Variants in DSCAM observed in about 807,000 individuals in gnomAD.
DSCAM encodes the protein cell adhesion molecule DSCAM.
DSCAM carries 47 observed loss-of-function variants against 217.7 expected under a neutral mutation model. The observed-to-expected ratio is 0.22, with a 90% CI of 0.17 to 0.28. DSCAM has a LOEUF of 0.28. Among genes scored for constraint, DSCAM ranks in the 10% least tolerant of loss-of-function variants. The pLI is 1.00. For missense variants in DSCAM, 2,080 were observed against 2,618.3 expected (o/e 0.79, Z 4.49); for synonymous variants, 1,056 against 1,015.3 (o/e 1.04, Z -0.76).
intron 19 of DSCAM, among the ~76,000 whole-genome samples, 162 bp from the exon 20 acceptor site, chr21:40,124,490 C>A (rs1022563443): frequency 6.6e-6 from 1 of 152,096 alleles, no homozygotes; most frequent in Non-Finnish European, 1.5e-5. Flanking sequence ...GAAGTCCTAA[C>A]CCCCAGGACC....
intron 3 of DSCAM, among the ~76,000 whole-genome samples, chr21:40,618,083 G>A (rs985487703): frequency 1.3e-5 from 2 of 152,218 alleles, no homozygotes; most frequent in Non-Finnish European, 2.9e-5. Context: ...TGAATTAAGA[G>A]CTGTGCGGGA....
At chr21:40,240,375 C>CTTTTTTTTTTTTTTTTTTTTTT (rs2073136125) in intron 11 of DSCAM, among the ~76,000 whole-genome samples, 1 of 25,162 alleles carries the variant, frequency 4.0e-5, no homozygotes. Context: ...TTTTTTTTTG[C>CTTTTTTTTTTTTTTTTTTTTTT]CTCCTTTTCT....
chr21:40,188,891 A>C, intron 12 of DSCAM, 151 bp downstream of exon 12: 1 of 760,462 alleles, frequency 1.3e-6, no homozygotes, highest in South Asian at 1.8e-5. Flanking sequence ...CTACTTCACT[A>C]ATCTCGCTGT....
At chr21:40,467,987 T>C (rs546034201) in intron 3 of DSCAM, among the ~76,000 whole-genome samples, 1 of 145,426 alleles carries the variant, frequency 6.9e-6, no homozygotes, top group Admixed American at 6.9e-5. Flanking sequence ...CACTAGGAAA[T>C]TCCTTGCGGG....
intron 1 of DSCAM, among the ~76,000 whole-genome samples, chr21:40,775,437 T>C (rs1316077837): frequency 2.6e-5 from 4 of 152,178 alleles, no homozygotes; most frequent in Non-Finnish European, 4.4e-5. Context: ...CGTATGAATC[T>C]GGGTGGACTA....
intron 3 of DSCAM, among the ~76,000 whole-genome samples, chr21:40,546,704 A>C (rs943659665): frequency 5.3e-5 from 8 of 152,184 alleles, no homozygotes; most frequent in African/African-American, 1.9e-4. Flanking sequence ...AAATACAAAT[A>C]AGTTTGATTT....
chr21:40,327,461 T>A (rs2074330148), intron 8 of DSCAM, among the ~76,000 whole-genome samples: 1 of 152,214 alleles, frequency 6.6e-6, no homozygotes, highest in Non-Finnish European at 1.5e-5. Flanking sequence ...CTTAGGGTTT[T>A]CTATATATAT....
intron 1 of DSCAM, among the ~76,000 whole-genome samples, chr21:40,712,566 T>C (rs182509776): frequency 5.3e-5 from 8 of 151,418 alleles, no homozygotes; most frequent in South Asian, 4.2e-4. Flanking sequence ...AATGGGCTCA[T>C]AGCCCTAAGC....
At position 40,332,810 on chromosome 21, in the gene DSCAM, T is replaced by TA. The variant is rs559192470; in HGVS notation, c.1783+5290dup. On this transcript the variant is annotated intron_variant, in intron 8 of 32. Transcript: ENST00000400454. Reference sequence around the variant, plus strand: ...ATATTATTTATATCAATCTTTGAAATAAAAAAAATTGCAGGCATATGCTCC... The same window carrying TA: ...ATATTATTTATATCAATCTTTGAAATAAAAAAAAATTGCAGGCATATGCTCC... Among the ~76,000 whole-genome samples the TA allele has an allele frequency of 1.1e-4, 17 of 152,062 alleles. No homozygotes were observed. The South Asian group carries it at 3.5e-3, about 32-fold the overall frequency.
intron 20 of DSCAM, among the ~76,000 whole-genome samples, chr21:40,104,544 G>A (rs989219727): frequency 4.6e-5 from 7 of 152,188 alleles, no homozygotes; most frequent in African/African-American, 1.2e-4. Context: ...AAGATCAGAG[G>A]TTAAGAGGGT....
At chr21:40,565,252 T>A (rs1340227397) in intron 3 of DSCAM, among the ~76,000 whole-genome samples, 2 of 152,062 alleles carry the variant, frequency 1.3e-5, no homozygotes, top group Non-Finnish European at 2.9e-5. Flanking sequence ...GAGCAGCCAT[T>A]TAGGGAAATT....
intron 3 of DSCAM, among the ~76,000 whole-genome samples, chr21:40,610,769 A>G (rs1321099300): frequency 6.6e-6 from 1 of 152,198 alleles, no homozygotes; most frequent in Non-Finnish European, 1.5e-5. Flanking sequence ...TCTTAAAAAG[A>G]TGAGACCTAT....
intron 16 of DSCAM, among the ~76,000 whole-genome samples, chr21:40,156,764 G>A (rs898051016): frequency 1.3e-5 from 2 of 152,174 alleles, no homozygotes; most frequent in African/African-American, 4.8e-5. Flanking sequence ...GTTCTAAGAC[G>A]AGATGAGGAA....
chr21:40,368,177 T>C (rs1253356831), intron 4 of DSCAM, among the ~76,000 whole-genome samples: 2 of 152,172 alleles, frequency 1.3e-5, no homozygotes, highest in African/African-American at 4.8e-5. Context: ...CTACCTCGAA[T>C]CCTTCCCCTT....
In DSCAM at chr21:40,012,006, A is replaced by G. The variant is rs1401284696; in HGVS notation, c.*1028T>C. The G allele has an allele frequency of 3.9e-5, 6 of 152,154 alleles. No individual in the cohort carries two copies. In the East Asian group the frequency reaches 1.2e-3, roughly 29 times the overall value. The allele number at this position is 152,154 out of a possible 1,614,324, so 9.4% of individuals were successfully genotyped here. A position where few individuals can be genotyped will look rare whatever the true frequency, so the allele number is the denominator to read the frequency against. On this transcript the variant is annotated 3_prime_UTR_variant, in exon 33 of 33. Coordinates refer to ENST00000400454, the MANE Select transcript of DSCAM (RefSeq NM_001389.5). ...TCTGCTGCAACTATTCAGCTCTACCATTGTGCCATGAAAGCAGCCATAGAC... is the reference window on the plus strand; with the variant it reads ...TCTGCTGCAACTATTCAGCTCTACCGTTGTGCCATGAAAGCAGCCATAGAC...
chr21:40,260,994 GACCGAGATGGATCAAGACAAAA>G (rs1177884539), intron 11 of DSCAM, among the ~76,000 whole-genome samples: 1 of 152,140 alleles, frequency 6.6e-6, no homozygotes, highest in Non-Finnish European at 1.5e-5. Context: ...ACAGCTCTGT[GACCGAGATGGATCAAGACAAAA>G]GAAGACCCCT....
chr21:40,110,772 A>G (rs555781677), intron 20 of DSCAM, among the ~76,000 whole-genome samples: 1 of 152,380 alleles, frequency 6.6e-6, no homozygotes, highest in East Asian at 1.9e-4. Flanking sequence ...ACGAATGCAC[A>G]AGCCTCAGTA....
intron 3 of DSCAM, among the ~76,000 whole-genome samples, chr21:40,585,182 T>TC (rs61242971): frequency 2.0e-5 from 3 of 146,582 alleles, no homozygotes; most frequent in Non-Finnish European, 3.0e-5. Context: ...TCAACTTCTT[T>TC]TTTTTTTTTT....
At chr21:40,721,287 CAAT>C (rs2090898481) in intron 1 of DSCAM, among the ~76,000 whole-genome samples, 1 of 151,908 alleles carries the variant, frequency 6.6e-6, no homozygotes. Flanking sequence ...AAATTGGACA[CAAT>C]AAGGGAAATA....
Sources: allele counts gnomAD v4.1 joint callset (sites outside exome capture counted in the v4.1 genomes callset), GRCh38; gene constraint gnomAD v4.1.1; transcripts MANE v1.5; gene names NCBI Gene and HGNC (gene_info 2026-07-23, HGNC 2026-07-21).